The following DIAPH1 variants were observed in gnomAD, a reference collection of about 807,000 sequenced individuals.
The protein encoded by DIAPH1 is protein diaphanous homolog 1.
Under a neutral mutation model 140.7 loss-of-function variants are expected in DIAPH1, and 46 were observed. The ratio of observed to expected loss-of-function variants is 0.33; its 90% CI spans 0.26 to 0.42. The LOEUF is 0.42. DIAPH1 is among the 10% of genes least tolerant of loss of function. DIAPH1 has a pLI of 1.00. For synonymous variants in DIAPH1, 565 were observed against 551.6 expected (o/e 1.02, Z -0.34); for missense variants, 1,310 against 1,558.7 (o/e 0.84, Z 2.69).
At position 141,544,766 on chromosome 5, in the gene DIAPH1, T is replaced by C. The variant is rs768776960; in HGVS notation, c.2483-10333A>G. Among the ~76,000 whole-genome samples the C allele has an allele frequency of 1.6e-4, 25 of 152,222 alleles. 1 individual carries two copies. The highest frequency in any genetic ancestry group is 5.9e-4 in the Admixed American group (9 of 15,284). On this transcript the variant is annotated intron_variant, in intron 18 of 27. Coordinates refer to ENST00000389054, the MANE Select transcript of DIAPH1 (RefSeq NM_005219.5). ...AAGTGTTGGTGAGGATGCAAAGCAT[T>C]TGCAACTCTCATACATTGCTAGTGG...
At chr5:141,569,605 T>A (rs1443515022) in intron 18 of DIAPH1, among the ~76,000 whole-genome samples, 3 of 151,710 alleles carry the variant, frequency 2.0e-5, no homozygotes, top group Non-Finnish European at 4.4e-5. Context: ...TCTACAAAAA[T>A]ACAAAAATTA....
chr5:141,520,728 ACT>A (rs1562277897), intron 27 of DIAPH1, among the ~76,000 whole-genome samples: 1 of 151,728 alleles, frequency 6.6e-6, no homozygotes, highest in Non-Finnish European at 1.5e-5. Flanking sequence ...ATTATGTCCG[ACT>A]CTCCTTGCTG....
At chr5:141,602,970 C>T (rs1289174273) in intron 1 of DIAPH1, among the ~76,000 whole-genome samples, 1 of 152,020 alleles carries the variant, frequency 6.6e-6, no homozygotes, top group Non-Finnish European at 1.5e-5. Flanking sequence ...GTTGGAGTAC[C>T]CACTTCAAAA....
chr5:141,591,712 A>ATATATATATTTATATATATT (rs1554211016), intron 1 of DIAPH1, among the ~76,000 whole-genome samples: 9 of 71,674 alleles, frequency 1.3e-4, no homozygotes, highest in Non-Finnish European at 1.8e-4. Context: ...ATATATATAT[A>ATATATATATTTATATATATT]TATATATATA....
intron 1 of DIAPH1, among the ~76,000 whole-genome samples, chr5:141,592,659 GT>G (rs1391341210): frequency 1.3e-5 from 2 of 152,088 alleles, no homozygotes; most frequent in African/African-American, 4.8e-5. Context: ...CATTCTCCTT[GT>G]TTGCTGTCAA....
intron 24 of DIAPH1, among the ~76,000 whole-genome samples, chr5:141,526,670 G>A (rs371386189): frequency 1.6e-4 from 24 of 152,200 alleles, no homozygotes; most frequent in African/African-American, 5.3e-4. Flanking sequence ...AAAAGAAGGT[G>A]GCAGTTTAAA....
intron 1 of DIAPH1, among the ~76,000 whole-genome samples, chr5:141,600,050 A>G (rs147315573): frequency 2.2e-4 from 34 of 152,234 alleles, no homozygotes; most frequent in Middle Eastern, 6.8e-3. Flanking sequence ...ACTTTTAAGA[A>G]AGGGGAATCA....
chr5:141,564,268 C>T (rs1327580047), intron 18 of DIAPH1: 1 of 152,176 alleles, frequency 6.6e-6, no homozygotes, highest in Non-Finnish European at 1.5e-5. Flanking sequence ...AAATAAATTT[C>T]CTGACAGGTA....
chr5:141,537,225 T>C (rs2099889160), intron 18 of DIAPH1, among the ~76,000 whole-genome samples: 1 of 152,066 alleles, frequency 6.6e-6, no homozygotes, highest in Non-Finnish European at 1.5e-5. Flanking sequence ...GGCTCATGCT[T>C]GTAATCCCAG....
At chr5:141,552,682 T>G (rs745466477) in intron 18 of DIAPH1, among the ~76,000 whole-genome samples, 1 of 152,176 alleles carries the variant, frequency 6.6e-6, no homozygotes, top group African/African-American at 2.4e-5. Flanking sequence ...AATAGGAAAC[T>G]AATACACTCA....
At chr5:141,525,054 T>A (rs557231317) in intron 26 of DIAPH1, among the ~76,000 whole-genome samples, 1 of 152,138 alleles carries the variant, frequency 6.6e-6, no homozygotes, top group South Asian at 2.1e-4. Flanking sequence ...CCCCACTGCA[T>A]CCTAGCCAGT....
chr5:141,541,498 G>A (rs962257139), intron 18 of DIAPH1, among the ~76,000 whole-genome samples: 58 of 152,096 alleles, frequency 3.8e-4, no homozygotes, highest in African/African-American at 1.2e-3. Flanking sequence ...GATCAGCCTG[G>A]CCAACATGGT....
At chr5:141,519,783 C>T (rs138487229) in intron 27 of DIAPH1, among the ~76,000 whole-genome samples, 65 of 152,332 alleles carry the variant, frequency 4.3e-4, no homozygotes, top group African/African-American at 1.5e-3. Context: ...TTTCCACTCA[C>T]TCACCATTAT....
In DIAPH1 at chr5:141,516,861, C is replaced by T. The variant is rs371664456; in HGVS notation, c.3809G>A (p.Arg1270His). 3.5e-5 allele frequency: 56 copies of T among 1,614,042 alleles called. No homozygotes were observed. Among genetic ancestry groups the T allele is most frequent in the Non-Finnish European group, 4.2e-5 (50 of 1,180,054 alleles). ...GTCACAGGACCCACATTAGCTTGCA[C>T]GGCCAACCAACTCCTTGGCTTCCTC... is the stretch of plus-strand genomic sequence containing the variant. Reference protein sequence around the residue: ...ILEEAKELVGRAS With the variant: ...ILEEAKELVGHAS The change falls in exon 28 of 28, where the codon CGT becomes CAT. Residue 1270 changes from arginine (R) to histidine (H), a missense_variant. Physicochemically the swap from Arg to His is conservative, Grantham distance 29 (BLOSUM62 0). Coordinates refer to ENST00000389054, the MANE Select transcript of DIAPH1 (RefSeq NM_005219.5).
chr5:141,537,924 T>C (rs2099889306), intron 18 of DIAPH1, among the ~76,000 whole-genome samples: 2 of 152,118 alleles, frequency 1.3e-5, no homozygotes, highest in African/African-American at 2.4e-5. Context: ...CAGGGTCTCA[T>C]TTGGTCACCC....
intron 14 of DIAPH1, among the ~76,000 whole-genome samples, chr5:141,575,511 T>C (rs2099895830): frequency 6.6e-6 from 1 of 152,058 alleles, no homozygotes; most frequent in Non-Finnish European, 1.5e-5. Flanking sequence ...TAGCCGGGCA[T>C]GGTGGTGGGC....
At chr5:141,521,865 C>CA (rs1239975523) in intron 27 of DIAPH1, among the ~76,000 whole-genome samples, 20 of 151,708 alleles carry the variant, frequency 1.3e-4, no homozygotes, top group African/African-American at 4.4e-4. Context: ...TGTCACTGCA[C>CA]AAAAAAAATA....
At chr5:141,618,726 C>G in intron 1 of DIAPH1, 72 bp downstream of exon 1, 1 of 1,162,098 alleles carries the variant, frequency 8.6e-7, no homozygotes, top group South Asian at 1.4e-5. Context: ...GGCAGGCGCC[C>G]CAGGGGCCGG....
At chr5:141,533,670 G>C (rs1448826683) in intron 19 of DIAPH1, among the ~76,000 whole-genome samples, 3 of 152,016 alleles carry the variant, frequency 2.0e-5, no homozygotes, top group Non-Finnish European at 2.9e-5. Context: ...AACATAGCGA[G>C]ACCCCTTCTC....
Sources: allele counts gnomAD v4.1 joint callset (sites outside exome capture counted in the v4.1 genomes callset), GRCh38; gene constraint gnomAD v4.1.1; transcripts MANE v1.5; gene names NCBI Gene and HGNC (gene_info 2026-07-23, HGNC 2026-07-21).